The following TLR2 variants were observed in gnomAD, a reference collection of about 807,000 sequenced individuals.
The protein encoded by TLR2 is toll-like receptor 2.
A neutral mutation model predicts 9.1 loss-of-function variants in TLR2; 7 were observed. The observed-to-expected ratio is 0.77, with a 90% confidence interval of 0.44 to 1.44. The LOEUF (loss-of-function observed/expected upper bound fraction) is 1.44. Among genes scored for constraint, TLR2 ranks in the 40% most tolerant of loss-of-function variants. The pLI, the probability that TLR2 is intolerant of heterozygous loss-of-function variation, is 0.01. For synonymous variants in TLR2, 317 were observed against 344.6 expected, an observed-to-expected ratio of 0.92 and a Z score of 0.89; for missense variants, 812 against 904.6, an observed-to-expected ratio of 0.90 and a Z score of 1.31.
In TLR2 at chr4:153,703,742, T is replaced by C. The variant is rs1205119519; in HGVS notation, c.835T>C (p.Leu279=). Residue 279 remains leucine (L), a synonymous_variant, in exon 3 of 3, where the codon TTG becomes CTG. Transcript: ENST00000642700. The stretch of plus-strand genomic sequence containing the variant: ...GAAACTTTTGAATCAGATTTCTGGA[T>C]TGTTAGAATTAGAGTTTGATGACTG... The part of the protein sequence containing the change: ...VMKLLNQISG[L]LELEFDDCTL... 1 of 1,613,992 alleles carries C rather than the reference T, an allele frequency of 6.2e-7. No individual in the cohort carries two copies. The highest frequency in any genetic ancestry group is 8.5e-7 in the Non-Finnish European group (1 of 1,179,996).
chr4:153,698,320 T>C (rs1330953466), intron 2 of TLR2, among the ~76,000 whole-genome samples: 1 of 152,208 alleles, frequency 6.6e-6, no homozygotes, highest in East Asian at 1.9e-4. Context: ...CAGCCAGTAC[T>C]GAAATTGTTA....
Position 153,703,103 on chromosome 4 carries a change from T to TA in TLR2, c.197dup (p.Tyr66Ter), listed in dbSNP as rs1238446080. 3 of 1,614,172 alleles carry TA rather than the reference T, an allele frequency of 1.9e-6. No homozygotes were observed. The highest frequency in any genetic ancestry group is 2.5e-6 in the Non-Finnish European group (3 of 1,180,022). ...SLDLSNNRIT[Y>*]ISNSDLQRCV... Reference sequence around the variant, plus strand: ...TGACCTGTCCAACAACAGGATCACCTACATTAGCAACAGTGACCTACAGAG... The same window carrying TA: ...TGACCTGTCCAACAACAGGATCACCTAACATTAGCAACAGTGACCTACAGAG... The change falls in exon 3 of 3, where the codon TAC becomes TAAC. Residue 66 changes from tyrosine (Y) to a stop codon, truncating the protein, a stop_gained and frameshift_variant. Transcript: ENST00000642700. LOFTEE classifies it low-confidence loss of function (END_TRUNC).
chr4:153,686,937 C>T (rs902235286), intron 1 of TLR2, among the ~76,000 whole-genome samples: 1 of 152,068 alleles, frequency 6.6e-6, no homozygotes, highest in African/African-American at 2.4e-5. Flanking sequence ...TATACTGGCT[C>T]ATAGAGTAAA....
At chr4:153,706,945 A>G (rs1486865972), downstream of TLR2, among the ~76,000 whole-genome samples, 1 of 152,180 alleles carries the variant, frequency 6.6e-6, no homozygotes, top group Non-Finnish European at 1.5e-5. Flanking sequence ...AGGGGTGTTG[A>G]GGGCAAGAGT....
In TLR2 at chr4:153,706,164, T is replaced by G. The variant is rs2127074104; in HGVS notation, c.*902T>G. Among the ~76,000 whole-genome samples the G allele has an allele frequency of 6.6e-6, 1 of 152,366 alleles. No individual in the cohort carries two copies. The highest frequency in any genetic ancestry group is 2.1e-4 in the South Asian group (1 of 4,834). ...TTAGATAGGTTTCTCCAGCCATAGT[T>G]ACTTGAGAGAGTGAGTACACAGTGC... On this transcript the variant is annotated 3_prime_UTR_variant, in exon 3 of 3. Coordinates refer to ENST00000642700, the MANE Select transcript of TLR2 (RefSeq NM_001318789.2).
intron 2 of TLR2, among the ~76,000 whole-genome samples, chr4:153,697,838 T>C (rs1736610432): frequency 6.6e-6 from 1 of 152,320 alleles, no homozygotes; most frequent in Non-Finnish European, 1.5e-5. Flanking sequence ...AGAAATTATA[T>C]GAAATTCTTA....
rs770898184 is a variant in TLR2, at chr4:153,704,814, G to C, written c.1907G>C (p.Ser636Thr). Residue 636 changes from serine to threonine, a missense_variant, in exon 3 of 3, where the codon AGC becomes ACC. By Grantham distance (58) the Ser-to-Thr change is moderately conservative (BLOSUM62 1). Transcript: ENST00000642700. ...AAAAGGAAGCCCAGGAAAGCTCCCA[G>C]CAGGAACATCTGCTATGATGCATTT... ...QAKRKPRKAPSRNICYDAFVS... is the reference protein window; with the variant it reads ...QAKRKPRKAPTRNICYDAFVS... 3 of 1,614,062 alleles carry C rather than the reference G, an allele frequency of 1.9e-6. No individual in the cohort carries two copies. The highest frequency in any genetic ancestry group is 1.7e-6 in the Non-Finnish European group (2 of 1,179,986).
intron 2 of TLR2, among the ~76,000 whole-genome samples, chr4:153,699,888 A>T (rs918381063): frequency 6.6e-6 from 1 of 152,184 alleles, no homozygotes; most frequent in African/African-American, 2.4e-5. Context: ...TATATGCCAT[A>T]TTGTGTTAGA....
downstream of TLR2, among the ~76,000 whole-genome samples, chr4:153,706,496 C>T (rs898639369): frequency 1.3e-4 from 20 of 152,232 alleles, no homozygotes; most frequent in Middle Eastern, 3.4e-3. Flanking sequence ...CAAATATATA[C>T]CTAGAGTTTC....
chr4:153,685,005 G>A (rs1264636961), intron 1 of TLR2, among the ~76,000 whole-genome samples: 1 of 152,200 alleles, frequency 6.6e-6, no homozygotes, highest in Non-Finnish European at 1.5e-5. Flanking sequence ...CTGCTAGGAC[G>A]GAGCTTGGAT....
chr4:153,693,801 A>G (rs1736291615), intron 2 of TLR2, among the ~76,000 whole-genome samples: 1 of 151,966 alleles, frequency 6.6e-6, no homozygotes, highest in Non-Finnish European at 1.5e-5. Context: ...TCCCCTTCTT[A>G]CTCACCATGG....
In TLR2 at chr4:153,705,317, A is replaced by G. The variant is rs912178099; in HGVS notation, c.*55A>G. ...AGTTGGGATCTTTATGTCACTAGTT[A>G]TAGTTAAGTTCATTCAGACATAATT... On this transcript the variant is annotated 3_prime_UTR_variant, in exon 3 of 3. Transcript: ENST00000642700. 5 of 1,480,880 alleles carry G rather than the reference A, an allele frequency of 3.4e-6. No individual in the cohort carries two copies. The Admixed American group carries it at 7.1e-5, about 21-fold the overall frequency. 91.7% of individuals were successfully genotyped at this position (1,480,880 alleles called of 1,614,324 possible). A position where few individuals can be genotyped will look rare whatever the true frequency, so the allele number is the denominator to read the frequency against.
chr4:153,700,133 C>G lies in TLR2; in HGVS notation c.-16-2759C>G, dbSNP rs553648111. Among the ~76,000 whole-genome samples the G allele has an allele frequency of 3.0e-4, 46 of 152,126 alleles. No homozygotes were observed. The South Asian group carries it at 3.3e-3, about 11-fold the overall frequency. On this transcript the variant is annotated intron_variant, in intron 2 of 2. Transcript: ENST00000642700. ...AGGTCCCAGACTCTTTTTAAATAAC[C>G]TGAAATCCTGTGAACAGAGTGAAAA...
At chr4:153,697,915 G>A (rs890595296) in intron 2 of TLR2, among the ~76,000 whole-genome samples, 1 of 152,062 alleles carries the variant, frequency 6.6e-6, no homozygotes, top group Non-Finnish European at 1.5e-5. Context: ...ATTATGTGTT[G>A]CAGAAGTAAT....
intron 2 of TLR2, among the ~76,000 whole-genome samples, chr4:153,696,520 A>G (rs1037599864): frequency 2.6e-5 from 4 of 152,192 alleles, no homozygotes; most frequent in Non-Finnish European, 5.9e-5. Flanking sequence ...GGCATATACA[A>G]ATGCTACTGA....
At chr4:153,710,494 A>T (rs1280636199), downstream of TLR2, 3 of 1,609,260 alleles carry the variant, frequency 1.9e-6, no homozygotes, top group African/African-American at 4.0e-5. Flanking sequence ...TCCCAGCTAA[A>T]TCTCAGTTAA....
intron 2 of TLR2, 170 bp from the exon 3 acceptor site, chr4:153,702,722 T>A: frequency 1.6e-6 from 1 of 626,924 alleles, no homozygotes; most frequent in South Asian, 2.3e-5. Context: ...TTTATCCCCA[T>A]TCATTCGTTC....
chr4:153,703,432 C>T lies in TLR2; in HGVS notation c.525C>T (p.Phe175=). ...IQRKDFAGLT[F]LEELEIDASD... is the part of the protein sequence containing the mutation. ...GAAAAGATTTTGCTGGACTTACCTT[C>T]CTTGAGGAACTTGAGATTGATGCTT... is the stretch of plus-strand genomic sequence containing the variant. The change falls in exon 3 of 3, where the codon TTC becomes TTT. Residue 175 remains phenylalanine, a synonymous_variant. Transcript: ENST00000642700. The T allele has an allele frequency of 1.2e-6, 2 of 1,613,996 alleles. No individual in the cohort carries two copies. Among genetic ancestry groups the T allele is most frequent in the South Asian group, 2.2e-5 (2 of 91,026 alleles).
At chr4:153,701,893 G>A (rs982796926) in intron 2 of TLR2, 14 of 152,126 alleles carry the variant, frequency 9.2e-5, no homozygotes, top group African/African-American at 3.4e-4. Context: ...GCCATAAATT[G>A]TACAGCTCAG....
Sources: gnomAD v4.1 joint callset for allele counts (sites outside exome capture counted in the v4.1 genomes callset) on GRCh38, gnomAD v4.1.1 for gene constraint, MANE v1.5 for transcripts, NCBI Gene and HGNC (gene_info 2026-07-23, HGNC 2026-07-21) for gene names.